APBA1: variants seen among roughly 807,000 people sequenced by gnomAD.
APBA1 encodes the protein amyloid beta precursor protein binding family A member 1.
In APBA1, 55 loss-of-function variants were observed where a neutral mutation model predicts 86.6. The observed-to-expected ratio is 0.64, with a 90% CI of 0.51 to 0.80. The LOEUF (loss-of-function observed/expected upper bound fraction) is 0.80. Among genes scored for constraint, APBA1 ranks in the 30% least tolerant of loss-of-function variants. The pLI is 0.00. For synonymous variants in APBA1, 511 were observed against 493.9 expected (o/e 1.03, Z -0.46); for missense variants, 1,090 against 1,183.0 (o/e 0.92, Z 1.15).
In APBA1 at chr9:69,539,484, A is replaced by C. The variant is rs569998575; in HGVS notation, c.-69-22205T>G. On this transcript the variant is annotated intron_variant, in intron 1 of 12. Transcript: ENST00000265381. ...TACTTTCAAAATGGATCAAGAACCA[A>C]CTAAACACTTTTTATTCCTTCCATT... Among the ~76,000 whole-genome samples the C allele has an allele frequency of 2.0e-5, 3 of 152,326 alleles. No individual in the cohort carries two copies. The South Asian group carries it at 6.2e-4, about 32-fold the overall frequency.
At chr9:69,431,619 A>G (rs1426333199) in intron 12 of APBA1, among the ~76,000 whole-genome samples, 2 of 152,256 alleles carry the variant, frequency 1.3e-5, no homozygotes, top group Non-Finnish European at 2.9e-5. Flanking sequence ...AATGAACAAC[A>G]AAAACCAAGC....
At chr9:69,606,467 T>C (rs1240618481) in intron 1 of APBA1, among the ~76,000 whole-genome samples, 2 of 131,612 alleles carry the variant, frequency 1.5e-5, no homozygotes, top group African/African-American at 2.8e-5. Context: ...ACACAGTGAG[T>C]GAGGGAGCTA....
chr9:69,619,796 G>C (rs200220829), intron 1 of APBA1, among the ~76,000 whole-genome samples: 1 of 152,112 alleles, frequency 6.6e-6, no homozygotes, highest in African/African-American at 2.4e-5. Context: ...TTAATTATTC[G>C]CATTGACAGA....
intron 1 of APBA1, among the ~76,000 whole-genome samples, chr9:69,650,786 C>T (rs1823483538): frequency 6.6e-6 from 1 of 152,286 alleles, no homozygotes; most frequent in South Asian, 2.1e-4. Context: ...TGTATACATA[C>T]ATCTATCCTT....
At chr9:69,627,522 GGT>G (rs77573338) in intron 1 of APBA1, among the ~76,000 whole-genome samples, 33,049 of 151,910 alleles carry the variant, frequency 0.22, 3,722 homozygotes, top group Middle Eastern at 0.32. Context: ...CTCCTCTGAT[GGT>G]GTGTGTGTGC....
chr9:69,516,322 C>A lies in APBA1; in HGVS notation c.889G>T (p.Glu297Ter). 1.3e-6 allele frequency: 2 copies of A among 1,591,346 alleles called. No individual in the cohort carries two copies. The highest frequency in any genetic ancestry group is 1.7e-6 in the Non-Finnish European group (2 of 1,174,896). ...GTAGGGGGACGCTCCAGGTCCTGCT[C>A]GGCCTCAGGCATGTCCTCGGCTGCC... The part of the protein sequence containing the change: ...DKAAEDMPEA[E>*]QDLERPPTPA... The change falls in exon 2 of 13, where the codon GAG becomes TAG. Residue 297 changes from glutamate (E) to a stop codon, truncating the protein, a stop_gained. Transcript: ENST00000265381. LOFTEE classifies it high-confidence loss of function. The surrounding 1 kb of genome is among the most constrained non-coding windows in gnomAD (Gnocchi z 7.3).
Position 69,610,604 on chromosome 9 carries a change from T to A in APBA1, c.-70+61549A>T, listed in dbSNP as rs1822568164. 2.6e-5 allele frequency among the ~76,000 whole-genome samples: 4 copies of A among 152,216 alleles called. No individual in the cohort carries two copies. In the South Asian group the frequency reaches 8.3e-4, roughly 32 times the overall value. ...ATCTGACTCATTTTTCCTTTGCTTT[T>A]TTCTGAACATCTCTTGAGAGCAAAA... On this transcript the variant is annotated intron_variant, in intron 1 of 12. Transcript: ENST00000265381.
At chr9:69,491,742 T>G in intron 2 of APBA1, among the ~76,000 whole-genome samples, 1 of 150,624 alleles carries the variant, frequency 6.6e-6, no homozygotes, top group African/African-American at 2.4e-5. Context: ...ACATACATAG[T>G]TACATTTCAT....
intron 1 of APBA1, among the ~76,000 whole-genome samples, chr9:69,653,956 C>T (rs1485969059): frequency 6.6e-6 from 1 of 151,772 alleles, no homozygotes; most frequent in African/African-American, 2.4e-5. Context: ...AAAAGCCAGG[C>T]ATCTCCCGTG....
intron 10 of APBA1, 43 bp downstream of exon 10, chr9:69,449,541 T>C (rs1834965845): frequency 3.2e-6 from 5 of 1,555,664 alleles, no homozygotes; most frequent in Non-Finnish European, 4.4e-6. Context: ...TTCACATCAC[T>C]TGAGGTTTAC....
intron 1 of APBA1, among the ~76,000 whole-genome samples, chr9:69,544,799 T>C (rs1270020568): frequency 6.6e-6 from 1 of 152,242 alleles, no homozygotes; most frequent in Non-Finnish European, 1.5e-5. Flanking sequence ...GCTTGTTATC[T>C]AGGTAGATGG....
chr9:69,504,745 G>A (rs377447087), intron 2 of APBA1, among the ~76,000 whole-genome samples: 1 of 151,980 alleles, frequency 6.6e-6, no homozygotes, highest in Non-Finnish European at 1.5e-5. Context: ...TTAGTGGGCC[G>A]TGTGTTCCCC....
chr9:69,447,084 GCATCTTCACATAC>G (rs1322748734), intron 10 of APBA1, among the ~76,000 whole-genome samples: 11 of 152,166 alleles, frequency 7.2e-5, no homozygotes, highest in African/African-American at 2.7e-4. Flanking sequence ...CCAACTTCTA[GCATCTTCACATAC>G]CAAAAGAGAG....
rs1414748639 is a variant in APBA1, at chr9:69,511,927, G to T, written c.1200+4084C>A. 4.6e-5 allele frequency among the ~76,000 whole-genome samples: 7 copies of T among 150,906 alleles called. No homozygotes were observed. In the East Asian group the frequency reaches 9.9e-4, roughly 21 times the overall value. Reference sequence around the variant, plus strand: ...ATCACACTCTGGGGACTGTGGTGGGGTGGGGGTAGGGGGGAGGGATAGCAT... The same window carrying T: ...ATCACACTCTGGGGACTGTGGTGGGTTGGGGGTAGGGGGGAGGGATAGCAT... On this transcript the variant is annotated intron_variant, in intron 2 of 12. Coordinates refer to ENST00000265381, the MANE Select transcript of APBA1 (RefSeq NM_001163.4).
intron 8 of APBA1, among the ~76,000 whole-genome samples, chr9:69,452,624 T>C (rs1835030491): frequency 6.6e-6 from 1 of 152,228 alleles, no homozygotes; most frequent in Non-Finnish European, 1.5e-5. Flanking sequence ...TGCACCATCT[T>C]CACAGATCCC....
chr9:69,611,285 G>GAAAAAAAAAAAAA (rs56357426), intron 1 of APBA1, among the ~76,000 whole-genome samples: 372 of 110,992 alleles, frequency 3.4e-3, no homozygotes, highest in Middle Eastern at 6.0e-3. Context: ...ACCAGAAAAG[G>GAAAAAAAAAAAAA]AAAAAAAAAA....
chr9:69,462,182 A>C (rs1835202075), intron 5 of APBA1: 1 of 152,140 alleles, frequency 6.6e-6, no homozygotes, highest in African/African-American at 2.4e-5. Flanking sequence ...GGAGACACAA[A>C]CACCACACTC....
chr9:69,430,561 G>C lies in APBA1; in HGVS notation c.*766C>G, dbSNP rs1834572037. On this transcript the variant is annotated 3_prime_UTR_variant, in exon 13 of 13. Transcript: ENST00000265381. ...GGACTGTGTGTGTGTGTGTGTGTGT[G>C]AGAGAGAGAGAAGCAGACAGTACCT... The C allele has an allele frequency of 6.7e-6, 1 of 150,280 alleles. No homozygotes were observed. Among genetic ancestry groups the C allele is most frequent in the Non-Finnish European group, 1.5e-5 (1 of 68,050 alleles). The allele number at this position is 150,280 out of a possible 1,614,324, so 9.3% of individuals were successfully genotyped here. A position where few individuals can be genotyped will look rare whatever the true frequency, so the allele number is the denominator to read the frequency against.
chr9:69,592,232 T>C lies in APBA1; in HGVS notation c.-69-74953A>G, dbSNP rs555439086. 4.6e-5 allele frequency among the ~76,000 whole-genome samples: 7 copies of C among 152,342 alleles called. No homozygotes were observed. In the East Asian group the frequency reaches 7.7e-4, roughly 17 times the overall value. ...GAAATTGAAGTCCCTCCATATCTTATAGTCATAATATTTTACGATGTCTTC... is the reference window on the plus strand; with the variant it reads ...GAAATTGAAGTCCCTCCATATCTTACAGTCATAATATTTTACGATGTCTTC... On this transcript the variant is annotated intron_variant, in intron 1 of 12. Transcript: ENST00000265381.
Sources: gnomAD v4.1 joint callset for allele counts (sites outside exome capture counted in the v4.1 genomes callset) on GRCh38, gnomAD v4.1.1 for gene constraint, Gnocchi (gnomAD v3.1) non-coding constraint, MANE v1.5 for transcripts, NCBI Gene and HGNC (gene_info 2026-07-23, HGNC 2026-07-21) for gene names.